DNAJC19: variants seen among roughly 807,000 people sequenced by gnomAD.
The protein encoded by DNAJC19 is DnaJ heat shock protein family (Hsp40) member C19.
DNAJC19 carries 15 observed loss-of-function variants against 19.8 expected under a neutral mutation model. The observed-to-expected ratio is 0.76, with a 90% confidence interval of 0.51 to 1.17. The LOEUF (loss-of-function observed/expected upper bound fraction) is 1.17, where lower values mean the gene tolerates loss of function less well. DNAJC19 is among the 50% of genes most tolerant of loss of function. The pLI, the probability that DNAJC19 is intolerant of heterozygous loss-of-function variation, is 0.00. For synonymous variants in DNAJC19, 38 were observed against 42.1 expected (o/e 0.90, Z 0.38); for missense variants, 105 against 140.9 (o/e 0.75, Z 1.29).
Position 180,985,833 on chromosome 3 carries a change from C to A in DNAJC19, c.280+93G>T, listed in dbSNP as rs1348860726. On this transcript the variant is annotated intron_variant, in intron 5 of 5. Coordinates refer to ENST00000382564, the MANE Select transcript of DNAJC19 (RefSeq NM_145261.4). Reference sequence around the variant, plus strand: ...ACAGGACTTACAGATTTAAGTGTTACCTTTCTAATAGCCAGGAATTTGAGA... The same window carrying A: ...ACAGGACTTACAGATTTAAGTGTTAACTTTCTAATAGCCAGGAATTTGAGA... The A allele has an allele frequency of 2.7e-6, 3 of 1,116,472 alleles. No homozygotes were observed. The African/African-American group carries it at 4.6e-5, about 17-fold the overall frequency. 69.2% of individuals were successfully genotyped at this position (1,116,472 alleles called of 1,614,324 possible).
intron 3 of DNAJC19, 36 bp from the exon 4 acceptor site, chr3:180,987,058 T>C: frequency 1.3e-6 from 2 of 1,575,482 alleles, no homozygotes; most frequent in South Asian, 2.2e-5. Flanking sequence ...GAAAGGTTAA[T>C]AAAATAAAGT....
At chr3:180,989,240 A>G in intron 1 of DNAJC19, 1 of 1,069,788 alleles carries the variant, frequency 9.3e-7, no homozygotes, top group Non-Finnish European at 1.2e-6. Flanking sequence ...GACATAGCAA[A>G]GTGGAGCTAG....
intron 3 of DNAJC19, chr3:180,987,735 A>G: frequency 2.2e-6 from 1 of 448,014 alleles, no homozygotes; most frequent in Non-Finnish European, 4.1e-6. Context: ...AAGGAAAACA[A>G]GAATATGTAC....
intron 4 of DNAJC19, 30 bp downstream of exon 4, chr3:180,986,913 A>T (rs1287103558): frequency 1.3e-6 from 2 of 1,582,192 alleles, no homozygotes; most frequent in East Asian, 2.2e-5. Flanking sequence ...AGTGGTAGAA[A>T]AATGCTAAAA....
At chr3:180,987,675 C>T (rs1003806186) in intron 3 of DNAJC19, 2 of 356,198 alleles carry the variant, frequency 5.6e-6, no homozygotes, top group African/African-American at 2.1e-5. Flanking sequence ...ATGGTCAGAT[C>T]GGATCACTTT....
At chr3:180,989,178 A>G (rs1007740943) in intron 1 of DNAJC19, among the ~76,000 whole-genome samples, 1 of 152,174 alleles carries the variant, frequency 6.6e-6, no homozygotes, top group African/African-American at 2.4e-5. Flanking sequence ...ACAGGCCCAA[A>G]TATGTTCAGG....
rs911895592 is a variant in DNAJC19 at position 180,988,174 on chromosome 3, A to T, written c.55+4T>A. 1.9e-6 allele frequency: 3 copies of T among 1,614,140 alleles called. No individual in the cohort carries two copies. The highest frequency in any genetic ancestry group is 2.5e-6 in the Non-Finnish European group (3 of 1,180,012). Reference sequence around the variant, plus strand: ...TCACTTCCATCCCCAAACCATAAACAAACCTGCAAATCCTGCAGCAGCAAT... The same window carrying T: ...TCACTTCCATCCCCAAACCATAAACTAACCTGCAAATCCTGCAGCAGCAAT... On this transcript the variant is annotated splice_donor_region_variant and intron_variant, in intron 2 of 5. Coordinates refer to ENST00000382564, the MANE Select transcript of DNAJC19 (RefSeq NM_145261.4).
At chr3:180,989,026 G>T (rs952141558) in intron 1 of DNAJC19, among the ~76,000 whole-genome samples, 5 of 148,078 alleles carry the variant, frequency 3.4e-5, no homozygotes, top group Admixed American at 6.7e-5. Flanking sequence ...AAAAAAAAAT[G>T]TGGAAATAAG....
At chr3:180,985,886 TCA>T in intron 5 of DNAJC19, 38 bp downstream of exon 5, 1 of 1,537,066 alleles carries the variant, frequency 6.5e-7, no homozygotes, top group Non-Finnish European at 9.0e-7. Context: ...TAACTATTGG[TCA>T]CACCAACAAC....
In DNAJC19 at chr3:180,984,178, T is replaced by TC. The variant is rs1347365653; in HGVS notation, c.*461dup. The TC allele has an allele frequency of 2.2e-6, 1 of 453,976 alleles. No individual in the cohort carries two copies. Among genetic ancestry groups the TC allele is most frequent in the African/African-American group, 2.0e-5 (1 of 50,006 alleles). 28.1% of individuals were successfully genotyped at this position (453,976 alleles called of 1,614,324 possible). A position where few individuals can be genotyped will look rare whatever the true frequency, so the allele number is the denominator to read the frequency against. On this transcript the variant is annotated 3_prime_UTR_variant, in exon 6 of 6. Coordinates refer to ENST00000382564, the MANE Select transcript of DNAJC19 (RefSeq NM_145261.4). Reference sequence around the variant, plus strand: ...ACTTTTAAATACAAGGTTCCAAGTATCCAAGTTGCCAGGCCAGTTGCCTGT... The same window carrying TC: ...ACTTTTAAATACAAGGTTCCAAGTATCCCAAGTTGCCAGGCCAGTTGCCTGT...
At chr3:180,987,433 A>G (rs982979732) in intron 3 of DNAJC19, 3 of 258,518 alleles carry the variant, frequency 1.2e-5, no homozygotes, top group African/African-American at 6.9e-5. Flanking sequence ...ATATATATAC[A>G]GAAAATACCA....
Position 180,984,201 on chromosome 3 carries a change from T to C in DNAJC19, c.*439A>G. On this transcript the variant is annotated 3_prime_UTR_variant, in exon 6 of 6. Transcript: ENST00000382564. Reference sequence around the variant, plus strand: ...TATCCAAGTTGCCAGGCCAGTTGCCTGTACCTGGAACAGCCTTTCCACCGA... The same window carrying C: ...TATCCAAGTTGCCAGGCCAGTTGCCCGTACCTGGAACAGCCTTTCCACCGA... 1 of 454,128 alleles carries C rather than the reference T, an allele frequency of 2.2e-6. No homozygotes were observed. The allele number at this position is 454,128 out of a possible 1,614,324, so 28.1% of individuals were successfully genotyped here. A position where few individuals can be genotyped will look rare whatever the true frequency, so the allele number is the denominator to read the frequency against.
At position 180,983,885 on chromosome 3, in the gene DNAJC19, T is replaced by TA. The variant is rs1338402937; in HGVS notation, c.*754dup. On this transcript the variant is annotated 3_prime_UTR_variant, in exon 6 of 6. Coordinates refer to ENST00000382564, the MANE Select transcript of DNAJC19 (RefSeq NM_145261.4). ...AATAGCCAACTGAAGGAATAATTTATAAATGGTCATTACCTTTAAGGGGCT... is the reference window on the plus strand; with the variant it reads ...AATAGCCAACTGAAGGAATAATTTATAAAATGGTCATTACCTTTAAGGGGCT... 2 of 454,034 alleles carry TA rather than the reference T, an allele frequency of 4.4e-6. No homozygotes were observed. The highest frequency in any genetic ancestry group is 4.0e-5 in the African/African-American group (2 of 50,116). The allele number at this position is 454,034 out of a possible 1,614,324, so 28.1% of individuals were successfully genotyped here.
intron 4 of DNAJC19, 60 bp from the exon 5 acceptor site, chr3:180,986,056 G>T: frequency 7.4e-7 from 1 of 1,355,238 alleles, no homozygotes; most frequent in Non-Finnish European, 1.0e-6. Context: ...TCAAAAAACT[G>T]TACATAAAGG....
At chr3:180,986,724 C>G (rs1455610183) in intron 4 of DNAJC19, 1 of 544,856 alleles carries the variant, frequency 1.8e-6, no homozygotes, top group African/African-American at 1.9e-5. Context: ...AGAAAAAGTG[C>G]TTAAGTGCTA....
intron 5 of DNAJC19, chr3:180,985,707 A>G (rs907809582): frequency 1.4e-5 from 7 of 511,452 alleles, no homozygotes; most frequent in African/African-American, 1.1e-4. Context: ...AAAAACCCAC[A>G]AAACATAGTA....
intron 3 of DNAJC19, chr3:180,987,265 A>G: frequency 1.9e-6 from 1 of 519,244 alleles, no homozygotes; most frequent in Non-Finnish European, 3.4e-6. Flanking sequence ...TTAGAAATAT[A>G]AGACAAAATA....
chr3:180,988,301 T>G, intron 1 of DNAJC19, 72 bp from the exon 2 acceptor site: 3 of 1,542,038 alleles, frequency 1.9e-6, no homozygotes, highest in Non-Finnish European at 1.8e-6. Context: ...CATTCTTCCA[T>G]CCCCAACTCA....
At chr3:180,985,742 T>C in intron 5 of DNAJC19, 184 bp downstream of exon 5, 1 of 606,446 alleles carries the variant, frequency 1.6e-6, no homozygotes, top group Non-Finnish European at 2.9e-6. Context: ...ATCTGCTCAT[T>C]CTGTAAGTAA....
Sources: allele counts gnomAD v4.1 joint callset (sites outside exome capture counted in the v4.1 genomes callset), GRCh38; gene constraint gnomAD v4.1.1; transcripts MANE v1.5; gene names NCBI Gene and HGNC (gene_info 2026-07-23, HGNC 2026-07-21).